Variants in NFX1 observed in about 807,000 individuals in gnomAD.
The protein encoded by NFX1 is transcriptional repressor NF-X1.
A neutral mutation model predicts 137.2 loss-of-function variants in NFX1; 69 were observed. The ratio of observed to expected loss-of-function variants is 0.50; its 90% CI spans 0.41 to 0.61. The LOEUF is 0.61. Ranked by LOEUF, NFX1 falls within the 20% of genes least tolerant of loss-of-function variation. NFX1 has a pLI of 0.00. For missense variants in NFX1, 1,167 were observed against 1,391.0 expected (o/e 0.84, Z 2.56); for synonymous variants, 495 against 474.1 (o/e 1.04, Z -0.57).
At position 33,367,528 on chromosome 9, in the gene NFX1, T is replaced by A. The variant is rs1198322536; in HGVS notation, c.3199T>A (p.Cys1067Ser). Reference protein sequence around the residue: ...VVTAIRGKSVCPPTTLTGVLE... With the variant: ...VVTAIRGKSVSPPTTLTGVLE... ...GACTTTTATCAGGGGGAAGTCCGTT[T>A]GTCCTCCTACCACGCTGACAGGTGT... Residue 1067 changes from cysteine (C) to serine (S), a missense_variant, in exon 23 of 24, where the codon TGT (cysteine) becomes AGT (serine). Physicochemically the swap from Cys to Ser is moderately radical, Grantham distance 112 (BLOSUM62 -1). Around this residue, in one of 3 missense-constraint regions of NFX1, gnomAD observed 312 missense variants for 312.8 expected, o/e 1.00. Transcript: ENST00000379540. The A allele has an allele frequency of 1.2e-6, 2 of 1,613,934 alleles. No individual in the cohort carries two copies. Among genetic ancestry groups the A allele is most frequent in the South Asian group, 2.2e-5 (2 of 91,080 alleles).
intron 5 of NFX1, 63 bp from the exon 6 acceptor site, chr9:33,311,043 G>A: frequency 6.7e-7 from 1 of 1,490,942 alleles, no homozygotes; most frequent in Admixed American, 1.7e-5. Flanking sequence ...ACCCAGCTGG[G>A]ACAGCTTTGT....
chr9:33,339,526 C>A (rs1282745622), intron 12 of NFX1, among the ~76,000 whole-genome samples: 1 of 152,196 alleles, frequency 6.6e-6, no homozygotes, highest in African/African-American at 2.4e-5. Context: ...CAAACTATAT[C>A]ATTCTGCCCC....
intron 10 of NFX1, among the ~76,000 whole-genome samples, chr9:33,332,096 A>G (rs955057243): frequency 2.0e-5 from 3 of 152,122 alleles, no homozygotes; most frequent in East Asian, 1.9e-4. Context: ...CAATTCTTAT[A>G]TCTGCTTTTT....
intron 11 of NFX1, 97 bp from the exon 12 acceptor site, chr9:33,338,413 A>C: frequency 9.6e-7 from 1 of 1,039,824 alleles, no homozygotes; most frequent in Non-Finnish European, 1.5e-6. Context: ...TATTATTACT[A>C]TTGTATTCTT....
intron 10 of NFX1, among the ~76,000 whole-genome samples, chr9:33,331,623 A>C (rs1564126323): frequency 6.6e-6 from 1 of 151,378 alleles, no homozygotes; most frequent in Non-Finnish European, 1.5e-5. Flanking sequence ...TTTATCTGAA[A>C]TGTATATTTT....
intron 1 of NFX1, 107 bp downstream of exon 1, chr9:33,290,704 C>A: frequency 8.8e-7 from 1 of 1,130,078 alleles, no homozygotes; most frequent in Non-Finnish European, 1.3e-6. Context: ...GTAGCACATG[C>A]TAGGGCGTAG....
At chr9:33,310,079 A>G (rs1321219827) in intron 5 of NFX1, among the ~76,000 whole-genome samples, 1 of 152,242 alleles carries the variant, frequency 6.6e-6, no homozygotes, top group Non-Finnish European at 1.5e-5. Context: ...AAAATGAGTC[A>G]TCTTAGAAGA....
intron 18 of NFX1, among the ~76,000 whole-genome samples, chr9:33,354,588 A>G (rs940435598): frequency 6.6e-6 from 1 of 152,164 alleles, no homozygotes; most frequent in Non-Finnish European, 1.5e-5. Flanking sequence ...CATAACAGAG[A>G]GGCCATCATC....
chr9:33,322,217 A>G (rs1314527794), intron 9 of NFX1, among the ~76,000 whole-genome samples: 2 of 151,216 alleles, frequency 1.3e-5, no homozygotes, highest in Admixed American at 6.6e-5. Context: ...AAAAAAAAAA[A>G]GTCTCTAGAA....
chr9:33,364,545 T>G (rs927358634), intron 20 of NFX1, among the ~76,000 whole-genome samples, 163 bp from the exon 21 acceptor site: 1 of 152,228 alleles, frequency 6.6e-6, no homozygotes, highest in African/African-American at 2.4e-5. Flanking sequence ...TTTTTCTCTT[T>G]TGTTCTTCCG....
At chr9:33,362,904 A>G (rs958552276) in intron 19 of NFX1, among the ~76,000 whole-genome samples, 17 of 151,908 alleles carry the variant, frequency 1.1e-4, no homozygotes, top group Non-Finnish European at 2.2e-4. Flanking sequence ...AGGTTTCTCC[A>G]TGTTGGTCAG....
At chr9:33,327,679 T>G (rs1031520037) in intron 9 of NFX1, among the ~76,000 whole-genome samples, 2 of 152,122 alleles carry the variant, frequency 1.3e-5, no homozygotes, top group Non-Finnish European at 2.9e-5. Context: ...AGACAATCTT[T>G]ATAGTCAAAG....
intron 12 of NFX1, among the ~76,000 whole-genome samples, chr9:33,339,250 G>T (rs1221766853): frequency 6.6e-6 from 1 of 152,112 alleles, no homozygotes; most frequent in Admixed American, 6.6e-5. Context: ...GAGGATTAAT[G>T]GATCTACAGT....
chr9:33,296,049 C>T (rs1470806088), intron 2 of NFX1, among the ~76,000 whole-genome samples: 1 of 152,190 alleles, frequency 6.6e-6, no homozygotes, highest in African/African-American at 2.4e-5. Flanking sequence ...GCATCAGCCT[C>T]CCGAGTAGCT....
chr9:33,363,205 T>G (rs1775338863), intron 19 of NFX1, among the ~76,000 whole-genome samples: 1 of 151,294 alleles, frequency 6.6e-6, no homozygotes, highest in Admixed American at 6.6e-5. Flanking sequence ...AACATCAAAC[T>G]GCTTCATAAA....
intron 4 of NFX1, among the ~76,000 whole-genome samples, chr9:33,303,685 A>C (rs531669859): frequency 6.6e-6 from 1 of 152,318 alleles, no homozygotes; most frequent in South Asian, 2.1e-4. Context: ...ATTTTTTATA[A>C]ACCAGCATTA....
At position 33,362,691 on chromosome 9, in the gene NFX1, G is replaced by A. The variant is rs540405716; in HGVS notation, c.2874-1319G>A. On this transcript the variant is annotated intron_variant, in intron 19 of 23. Coordinates refer to ENST00000379540, the MANE Select transcript of NFX1 (RefSeq NM_002504.6). ...ATAGATGGTAGTAATAAGTTCCTGT[G>A]GTTTTTTTTTTTTTTTTTTTTTTTT... Among the ~76,000 whole-genome samples, 52 of 138,824 alleles carry A rather than the reference G, an allele frequency of 3.7e-4. 1 individual carries two copies. The East Asian group carries it at 0.012, about 31-fold the overall frequency. 91.1% of individuals were successfully genotyped at this position (138,824 alleles called of 152,430 possible).
At chr9:33,317,702 G>A (rs1822221697) in intron 7 of NFX1, among the ~76,000 whole-genome samples, 1 of 151,426 alleles carries the variant, frequency 6.6e-6, no homozygotes, top group South Asian at 2.1e-4. Flanking sequence ...ATGGCCGGGC[G>A]TGGTGGCTCA....
At chr9:33,319,715 G>A (rs948486737) in intron 9 of NFX1, among the ~76,000 whole-genome samples, 1 of 152,124 alleles carries the variant, frequency 6.6e-6, no homozygotes, top group Admixed American at 6.5e-5. Flanking sequence ...TCACCATGTT[G>A]ACCAGGCTGG....
Sources: allele counts gnomAD v4.1 joint callset (sites outside exome capture counted in the v4.1 genomes callset), GRCh38; gene constraint gnomAD v4.1.1; regional missense constraint gnomAD v4.1.1; transcripts MANE v1.5; gene names NCBI Gene and HGNC (gene_info 2026-07-23, HGNC 2026-07-21).